LYN: variants seen among roughly 807,000 people sequenced by gnomAD.
The protein encoded by LYN is tyrosine-protein kinase Lyn.
Under a neutral mutation model 65.0 loss-of-function variants are expected in LYN, and 12 were observed. That is an observed-to-expected ratio of 0.18 (90% CI 0.12 to 0.30). The LOEUF is 0.30. LYN is among the 10% of genes least tolerant of loss of function. LYN has a pLI of 1.00. For synonymous variants in LYN, 222 were observed against 221.2 expected (o/e 1.00, Z -0.03); for missense variants, 380 against 623.2 (o/e 0.61, Z 4.16).
At chr8:55,967,886 TC>T (rs1285141617) in intron 9 of LYN, among the ~76,000 whole-genome samples, 2 of 152,158 alleles carry the variant, frequency 1.3e-5, no homozygotes, top group Admixed American at 6.5e-5. Context: ...TTTTACGAAG[TC>T]CTCAGAAGTA....
At chr8:55,881,558 C>A (rs1275321042) in intron 1 of LYN, among the ~76,000 whole-genome samples, 1 of 152,170 alleles carries the variant, frequency 6.6e-6, no homozygotes, top group East Asian at 1.9e-4. Context: ...TTCACTGGAT[C>A]ATAGAGTCTT....
At chr8:55,895,855 A>C (rs1245735768) in intron 1 of LYN, 1 of 152,178 alleles carries the variant, frequency 6.6e-6, no homozygotes, top group Non-Finnish European at 1.5e-5. Flanking sequence ...GTTTTGGATT[A>C]AACTGTACTA....
chr8:55,887,997 A>G (rs970379670), intron 1 of LYN, among the ~76,000 whole-genome samples: 1 of 152,198 alleles, frequency 6.6e-6, no homozygotes, highest in African/African-American at 2.4e-5. Context: ...CAGACAGGGA[A>G]CTTTGGAGCT....
chr8:55,985,970 C>A (rs777291176), intron 10 of LYN, among the ~76,000 whole-genome samples: 1 of 151,988 alleles, frequency 6.6e-6, no homozygotes, highest in Non-Finnish European at 1.5e-5. Flanking sequence ...AGTTCGAGAC[C>A]CGCCTGGGCA....
chr8:55,984,672 G>A (rs556887396), intron 10 of LYN, among the ~76,000 whole-genome samples: 1 of 152,320 alleles, frequency 6.6e-6, no homozygotes, highest in African/African-American at 2.4e-5. Flanking sequence ...GTGCTCAGCT[G>A]TGGCTTCCCC....
At chr8:55,973,333 T>C (rs1371558662) in intron 10 of LYN, among the ~76,000 whole-genome samples, 2 of 152,198 alleles carry the variant, frequency 1.3e-5, no homozygotes, top group African/African-American at 4.8e-5. Context: ...CAACCATCCA[T>C]AGCCCATTCA....
At chr8:55,998,837 G>A (rs904932864) in intron 11 of LYN, among the ~76,000 whole-genome samples, 7 of 152,200 alleles carry the variant, frequency 4.6e-5, no homozygotes, top group African/African-American at 1.7e-4. Flanking sequence ...ATACGGGGCT[G>A]TGGAGAAAAT....
chr8:55,937,836 C>T (rs1335523723), intron 1 of LYN, among the ~76,000 whole-genome samples: 1 of 152,152 alleles, frequency 6.6e-6, no homozygotes, highest in Non-Finnish European at 1.5e-5. Context: ...GCTGGGACTA[C>T]AGACGGGTGC....
chr8:55,926,214 A>G (rs1490711046), intron 1 of LYN, among the ~76,000 whole-genome samples: 1 of 152,164 alleles, frequency 6.6e-6, no homozygotes, highest in African/African-American at 2.4e-5. Flanking sequence ...CCACTTCCTT[A>G]TCTTCAACTC....
intron 1 of LYN, among the ~76,000 whole-genome samples, chr8:55,934,476 G>A (rs1013582002): frequency 6.6e-6 from 1 of 152,156 alleles, no homozygotes; most frequent in Non-Finnish European, 1.5e-5. Flanking sequence ...GCCGTTCACC[G>A]GCCCGCTAAG....
intron 1 of LYN, 41 bp from the exon 2 acceptor site, chr8:55,941,814 T>C (rs1324043452): frequency 1.3e-6 from 2 of 1,566,744 alleles, no homozygotes; most frequent in African/African-American, 1.4e-5. Context: ...GAAGCAGTTC[T>C]GGAATGGTAA....
intron 1 of LYN, among the ~76,000 whole-genome samples, chr8:55,889,194 T>C (rs1015201658): frequency 2.0e-4 from 30 of 152,108 alleles, no homozygotes; most frequent in African/African-American, 7.2e-4. Flanking sequence ...TTTTTGTTTT[T>C]TGGGAGGCCA....
intron 1 of LYN, among the ~76,000 whole-genome samples, chr8:55,932,352 C>G (rs1474387927): frequency 6.6e-6 from 1 of 152,054 alleles, no homozygotes; most frequent in Non-Finnish European, 1.5e-5. Context: ...ACTCAATAAT[C>G]CTTAGCTTTC....
At chr8:55,888,609 T>C (rs1308621365) in intron 1 of LYN, among the ~76,000 whole-genome samples, 1 of 152,218 alleles carries the variant, frequency 6.6e-6, no homozygotes, top group African/African-American at 2.4e-5. Context: ...GAAAGTAACA[T>C]TTATTTCTGT....
intron 4 of LYN, among the ~76,000 whole-genome samples, chr8:55,948,455 A>G (rs1216461509): frequency 6.6e-6 from 1 of 152,140 alleles, no homozygotes; most frequent in Non-Finnish European, 1.5e-5. Flanking sequence ...GGAAATTCTC[A>G]ACTCAGCAGC....
intron 2 of LYN, among the ~76,000 whole-genome samples, chr8:55,942,379 GTGTATATATATA>G (rs1563521230): frequency 3.9e-5 from 4 of 103,688 alleles, no homozygotes; most frequent in Non-Finnish European, 6.3e-5. Flanking sequence ...GTATATATAT[GTGTATATATATA>G]TGTGTATATA....
chr8:55,993,163 A>T (rs1435495126), intron 10 of LYN, among the ~76,000 whole-genome samples: 3 of 152,144 alleles, frequency 2.0e-5, no homozygotes, highest in African/African-American at 2.4e-5. Flanking sequence ...TTAACTTTAA[A>T]TTTTAATTTT....
At chr8:55,919,945 C>T (rs1203715439) in intron 1 of LYN, among the ~76,000 whole-genome samples, 1 of 152,150 alleles carries the variant, frequency 6.6e-6, no homozygotes, top group East Asian at 1.9e-4. Context: ...CACGTGACCC[C>T]ACTCTTTGCT....
rs143464500 is a variant in LYN, at chr8:55,948,398, C to T, written c.284+675C>T. ...CATGTTTAGACTGGGTTCATGGGCC[C>T]AGCCTAGCTTGAGTTCTAAGGGTAC... is the stretch of plus-strand genomic sequence containing the variant. On this transcript the variant is annotated intron_variant, in intron 4 of 12. Coordinates refer to ENST00000519728, the MANE Select transcript of LYN (RefSeq NM_002350.4). Among the ~76,000 whole-genome samples the T allele has an allele frequency of 8.4e-4, 128 of 152,274 alleles. 1 individual carries two copies. Among genetic ancestry groups the T allele is most frequent in the African/African-American group, 2.9e-3 (122 of 41,564 alleles).
Sources: gnomAD v4.1 joint callset for allele counts (sites outside exome capture counted in the v4.1 genomes callset) on GRCh38, gnomAD v4.1.1 for gene constraint, MANE v1.5 for transcripts, NCBI Gene and HGNC (gene_info 2026-07-23, HGNC 2026-07-21) for gene names.